Variants in NTRK3 observed in about 807,000 individuals in gnomAD.
NTRK3 encodes the protein neurotrophic receptor tyrosine kinase 3.
Under a neutral mutation model 91.7 loss-of-function variants are expected in NTRK3, and 24 were observed. The ratio of observed to expected loss-of-function variants is 0.26; its 90% CI spans 0.19 to 0.37. The LOEUF is 0.37. Among genes scored for constraint, NTRK3 ranks in the 10% least tolerant of loss-of-function variants. NTRK3 has a pLI of 1.00. For synonymous variants in NTRK3, 483 were observed against 404.0 expected (o/e 1.20, Z -2.34); for missense variants, 880 against 1,068.9 (o/e 0.82, Z 2.46).
intron 13 of NTRK3, among the ~76,000 whole-genome samples, chr15:88,113,311 CTTTTTTTTT>C (rs60232101): frequency 4.5e-5 from 5 of 111,636 alleles, no homozygotes; most frequent in Non-Finnish European, 6.9e-5. Flanking sequence ...TGATCAATTT[CTTTTTTTTT>C]TTTTTTTTTT....
At chr15:87,963,492 A>G (rs1383178256) in intron 14 of NTRK3, among the ~76,000 whole-genome samples, 1 of 152,222 alleles carries the variant, frequency 6.6e-6, no homozygotes, top group Non-Finnish European at 1.5e-5. Context: ...GGGACTTTTC[A>G]ATTTCACTAT....
intron 17 of NTRK3, among the ~76,000 whole-genome samples, chr15:87,901,303 C>T (rs2066440199): frequency 1.3e-5 from 2 of 152,216 alleles, no homozygotes; most frequent in Non-Finnish European, 2.9e-5. Context: ...AAAGGCATTC[C>T]TCCTCTGTTA....
At chr15:87,962,318 C>T (rs2072376202) in intron 14 of NTRK3, among the ~76,000 whole-genome samples, 1 of 152,132 alleles carries the variant, frequency 6.6e-6, no homozygotes, top group African/African-American at 2.4e-5. Flanking sequence ...CTCAGGAACC[C>T]AGAAGAGGAG....
intron 13 of NTRK3, among the ~76,000 whole-genome samples, chr15:88,100,799 AAC>A (rs1383614903): frequency 6.6e-6 from 1 of 152,208 alleles, no homozygotes; most frequent in African/African-American, 2.4e-5. Context: ...GTGCTGGGAA[AAC>A]TGGCTAGCCA....
chr15:88,035,918 G>A (rs1045587900), intron 13 of NTRK3, among the ~76,000 whole-genome samples: 1 of 152,122 alleles, frequency 6.6e-6, no homozygotes, highest in African/African-American at 2.4e-5. Context: ...AGTTAAAGGA[G>A]AGTGGAAGAT....
At chr15:87,903,117 A>G (rs1467918487) in intron 17 of NTRK3, among the ~76,000 whole-genome samples, 2 of 152,236 alleles carry the variant, frequency 1.3e-5, no homozygotes, top group African/African-American at 2.4e-5. Flanking sequence ...GCTAGCCACA[A>G]GTGGCAGGAA....
At chr15:88,010,216 T>TA in intron 14 of NTRK3, among the ~76,000 whole-genome samples, 1 of 152,292 alleles carries the variant, frequency 6.6e-6, no homozygotes, top group East Asian at 1.9e-4. Flanking sequence ...TGTCTACTCC[T>TA]TCAGCCTCCA....
chr15:88,035,235 G>A (rs1341901615), intron 13 of NTRK3, among the ~76,000 whole-genome samples: 1 of 152,220 alleles, frequency 6.6e-6, no homozygotes. Context: ...GAAAGGACAA[G>A]AGAGCCAGGA....
chr15:88,189,305 T>A (rs1217199530), intron 3 of NTRK3, among the ~76,000 whole-genome samples: 1 of 152,208 alleles, frequency 6.6e-6, no homozygotes, highest in East Asian at 1.9e-4. Flanking sequence ...GGACCACAGA[T>A]AGCTGCTTCA....
At chr15:87,918,109 A>C (rs1371305224) in intron 17 of NTRK3, among the ~76,000 whole-genome samples, 1 of 152,112 alleles carries the variant, frequency 6.6e-6, no homozygotes, top group Non-Finnish European at 1.5e-5. Flanking sequence ...TCCTGAGCCC[A>C]TGGATTCTAA....
intron 13 of NTRK3, among the ~76,000 whole-genome samples, chr15:88,065,274 G>A (rs536056230): frequency 6.6e-6 from 1 of 152,118 alleles, no homozygotes; most frequent in Non-Finnish European, 1.5e-5. Context: ...CAACACCAGG[G>A]GAAGAAATCC....
intron 14 of NTRK3, among the ~76,000 whole-genome samples, chr15:87,963,280 T>C (rs1049008174): frequency 3.3e-5 from 5 of 152,152 alleles, no homozygotes; most frequent in African/African-American, 1.2e-4. Context: ...ACCTAAATAC[T>C]TGTGCTGTTT....
intron 13 of NTRK3, among the ~76,000 whole-genome samples, chr15:88,068,088 A>T (rs2046808867): frequency 2.0e-5 from 3 of 152,062 alleles, no homozygotes; most frequent in African/African-American, 2.4e-5. Flanking sequence ...AACTACCTAG[A>T]CTCTTTCTTT....
chr15:87,884,147 A>C (rs999659837), intron 17 of NTRK3, among the ~76,000 whole-genome samples: 4 of 151,584 alleles, frequency 2.6e-5, no homozygotes, highest in Admixed American at 2.6e-4. Flanking sequence ...TACACAATCA[A>C]TTGTTAGTTC....
chr15:88,070,892 A>C (rs766796111), intron 13 of NTRK3, among the ~76,000 whole-genome samples: 4 of 152,234 alleles, frequency 2.6e-5, no homozygotes, highest in Admixed American at 6.5e-5. Flanking sequence ...AGAGAAAAGG[A>C]AGGCAAGATA....
At chr15:87,971,101 G>A (rs563244684) in intron 14 of NTRK3, among the ~76,000 whole-genome samples, 44 of 152,286 alleles carry the variant, frequency 2.9e-4, no homozygotes, top group African/African-American at 9.1e-4. Context: ...AAGATTGAAC[G>A]ATTCTGTGAG....
At chr15:87,882,456 G>C (rs896524458) in intron 17 of NTRK3, among the ~76,000 whole-genome samples, 1 of 152,088 alleles carries the variant, frequency 6.6e-6, no homozygotes, top group African/African-American at 2.4e-5. Flanking sequence ...TTTGAATAAT[G>C]GTTGTTAATT....
In NTRK3 at chr15:88,033,090, G is replaced by A. The variant is rs200609732; in HGVS notation, c.1397-45C>T. 2.1e-4 allele frequency: 323 copies of A among 1,537,032 alleles called. 1 individual carries two copies. In the East Asian group the frequency reaches 5.1e-3, roughly 24 times the overall value. Reference sequence around the variant, plus strand: ...CGCAGGACCTGGTGACGTCACATCCGGCCAGTTTCCAGCCCTGTCCACAGA... The same window carrying A: ...CGCAGGACCTGGTGACGTCACATCCAGCCAGTTTCCAGCCCTGTCCACAGA... On this transcript the variant is annotated intron_variant, in intron 13 of 18. Transcript: ENST00000394480.
intron 14 of NTRK3, among the ~76,000 whole-genome samples, chr15:87,990,415 A>G (rs1049591949): frequency 6.6e-6 from 1 of 152,210 alleles, no homozygotes; most frequent in African/African-American, 2.4e-5. Context: ...ACCCAGCGTA[A>G]CAATGAATGT....
Sources: gnomAD v4.1 joint callset for allele counts (sites outside exome capture counted in the v4.1 genomes callset) on GRCh38, gnomAD v4.1.1 for gene constraint, MANE v1.5 for transcripts, NCBI Gene and HGNC (gene_info 2026-07-23, HGNC 2026-07-21) for gene names.